DAAM1: variants seen among roughly 807,000 people sequenced by gnomAD.
DAAM1 encodes disheveled-associated activator of morphogenesis 1.
A neutral mutation model predicts 130.0 loss-of-function variants in DAAM1; 52 were observed. The ratio of observed to expected loss-of-function variants is 0.40; its 90% CI spans 0.32 to 0.50. The LOEUF (loss-of-function observed/expected upper bound fraction) is 0.50. Among genes scored for constraint, DAAM1 ranks in the 20% least tolerant of loss-of-function variants. The pLI is 0.61. For synonymous variants in DAAM1, 452 were observed against 444.5 expected (o/e 1.02, Z -0.21); for missense variants, 1,134 against 1,303.8 (o/e 0.87, Z 2.01).
intron 1 of DAAM1, among the ~76,000 whole-genome samples, chr14:59,247,910 A>T (rs1248875175): frequency 6.6e-6 from 1 of 152,120 alleles, no homozygotes; most frequent in African/African-American, 2.4e-5. Context: ...TAATATTGTT[A>T]CTCCTTTAAC....
chr14:59,215,476 G>C (rs765145859), intron 1 of DAAM1, among the ~76,000 whole-genome samples: 17 of 152,226 alleles, frequency 1.1e-4, no homozygotes, highest in Admixed American at 2.0e-4. Context: ...CTGGATGCTG[G>C]TCAGCTGGCT....
At chr14:59,361,514 G>T (rs1196960084) in intron 22 of DAAM1, among the ~76,000 whole-genome samples, 1 of 152,202 alleles carries the variant, frequency 6.6e-6, no homozygotes, top group African/African-American at 2.4e-5. Context: ...AAAAGAAGTT[G>T]TTTGAGCTAT....
Position 59,330,511 on chromosome 14 carries a change from G to A in DAAM1, c.1383G>A (p.Glu461=). 1 of 1,607,868 alleles carries A rather than the reference G, an allele frequency of 6.2e-7. No homozygotes were observed. ...TGTTTTCTCGTGTAGAGCACAATGA[G>A]CTACAACAGAAACTGGAAAAGAAAG... ...QAEKMRKEHN[E]LQQKLEKKER... Residue 461 remains glutamate, a synonymous_variant, in exon 13 of 25, where the codon GAG becomes GAA. Transcript: ENST00000360909.
At chr14:59,363,807 GTGT>G (rs1886808390) in intron 23 of DAAM1, 25 bp downstream of exon 23, 2 of 1,611,890 alleles carry the variant, frequency 1.2e-6, no homozygotes, top group Non-Finnish European at 1.7e-6. Flanking sequence ...TGTGCACTGA[GTGT>G]TGTTTGACCG....
chr14:59,259,274 A>T (rs1882056468), intron 1 of DAAM1, among the ~76,000 whole-genome samples: 1 of 152,186 alleles, frequency 6.6e-6, no homozygotes, highest in South Asian at 2.1e-4. Flanking sequence ...CTCGATTTAC[A>T]GTTAACTGTT....
chr14:59,339,969 C>A (rs530882986), intron 15 of DAAM1, 105 bp from the exon 16 acceptor site: 2 of 901,060 alleles, frequency 2.2e-6, no homozygotes, highest in African/African-American at 1.7e-5. Flanking sequence ...CATGTGTATA[C>A]GAGTGTGTGT....
At chr14:59,354,123 C>T (rs901688842) in intron 19 of DAAM1, among the ~76,000 whole-genome samples, 159 bp downstream of exon 19, 5 of 150,782 alleles carry the variant, frequency 3.3e-5, no homozygotes, top group African/African-American at 7.3e-5. Flanking sequence ...TGCAGTAGCG[C>T]GATCTTGGCT....
chr14:59,355,533 GT>G (rs1886444274), intron 20 of DAAM1, among the ~76,000 whole-genome samples, 200 bp downstream of exon 20: 1 of 152,098 alleles, frequency 6.6e-6, no homozygotes, highest in African/African-American at 2.4e-5. Flanking sequence ...CCACATTCCT[GT>G]TGGACCAATT....
At chr14:59,201,054 G>A (rs1888086180) in intron 1 of DAAM1, among the ~76,000 whole-genome samples, 2 of 151,692 alleles carry the variant, frequency 1.3e-5, no homozygotes, top group Admixed American at 6.6e-5. Flanking sequence ...CCAGCTACTC[G>A]GGAGTCTGAG....
At chr14:59,366,779 C>T (rs888036595) in intron 23 of DAAM1, among the ~76,000 whole-genome samples, 6 of 152,024 alleles carry the variant, frequency 3.9e-5, no homozygotes, top group South Asian at 2.1e-4. Flanking sequence ...CCGGGTGCAG[C>T]GGCACATGCC....
intron 2 of DAAM1, among the ~76,000 whole-genome samples, chr14:59,278,043 A>G (rs1883047351): frequency 6.6e-6 from 1 of 152,218 alleles, no homozygotes; most frequent in Non-Finnish European, 1.5e-5. Context: ...AGGGATTCAC[A>G]ACAATAACTA....
intron 1 of DAAM1, among the ~76,000 whole-genome samples, chr14:59,204,995 T>G (rs1208455459): frequency 6.6e-6 from 1 of 152,246 alleles, no homozygotes; most frequent in Non-Finnish European, 1.5e-5. Context: ...GTTGCTACTT[T>G]TTTTGTTTTA....
At chr14:59,202,279 A>T (rs1454798954) in intron 1 of DAAM1, among the ~76,000 whole-genome samples, 1 of 152,222 alleles carries the variant, frequency 6.6e-6, no homozygotes, top group Non-Finnish European at 1.5e-5. Context: ...TGTTGCCAGC[A>T]CTACATCTCA....
chr14:59,262,403 A>T (rs1336731874), intron 1 of DAAM1, among the ~76,000 whole-genome samples: 1 of 151,986 alleles, frequency 6.6e-6, no homozygotes. Context: ...AACTTAAAAC[A>T]TACCCTCTAT....
chr14:59,212,192 A>G (rs1888444418), intron 1 of DAAM1, among the ~76,000 whole-genome samples: 1 of 152,212 alleles, frequency 6.6e-6, no homozygotes, highest in African/African-American at 2.4e-5. Context: ...TCATGTTTCT[A>G]CTATTTAGGC....
In DAAM1 at chr14:59,357,867, T is replaced by G. The variant is rs144733650; in HGVS notation, c.2526-1530T>G. On this transcript the variant is annotated intron_variant, in intron 20 of 24. Transcript: ENST00000360909. ...ATTGTTGGCCACTGTTTTGCTTTGG[T>G]GGGCAATTGTTTTCTAACTATTGAG... Among the ~76,000 whole-genome samples, 128 of 152,256 alleles carry G rather than the reference T, an allele frequency of 8.4e-4. 2 individuals are homozygous for G. Among genetic ancestry groups the G allele is most frequent in the African/African-American group, 3.0e-3 (124 of 41,544 alleles).
At chr14:59,276,836 A>G (rs1231158558) in intron 2 of DAAM1, among the ~76,000 whole-genome samples, 1 of 152,154 alleles carries the variant, frequency 6.6e-6, no homozygotes, top group Admixed American at 6.6e-5. Context: ...TAGCGAGTTG[A>G]TTGGCAGGCT....
chr14:59,280,535 C>CTTTTTTTTTTTTTTTTTT (rs35354608), intron 2 of DAAM1, among the ~76,000 whole-genome samples: 61 of 90,664 alleles, frequency 6.7e-4, no homozygotes, highest in Admixed American at 7.4e-4. Flanking sequence ...GCACACCTTC[C>CTTTTTTTTTTTTTTTTTT]TTTTTTTTTT....
At chr14:59,274,849 C>G (rs1335442094) in intron 2 of DAAM1, among the ~76,000 whole-genome samples, 1 of 152,126 alleles carries the variant, frequency 6.6e-6, no homozygotes, top group Non-Finnish European at 1.5e-5. Context: ...ATGGGGACAC[C>G]AAAGTGGTTG....
Sources: gnomAD v4.1 joint callset for allele counts (sites outside exome capture counted in the v4.1 genomes callset) on GRCh38, gnomAD v4.1.1 for gene constraint, MANE v1.5 for transcripts, NCBI Gene and HGNC (gene_info 2026-07-23, HGNC 2026-07-21) for gene names.